Variants in GIGYF2 observed in about 807,000 individuals in gnomAD.
GIGYF2 encodes the protein GRB10 interacting GYF protein 2, also known as GRB10-interacting GYF protein 2.
In GIGYF2, 25 loss-of-function variants were observed where a neutral mutation model predicts 208.1. The ratio of observed to expected loss-of-function variants is 0.12; its 90% CI spans 0.09 to 0.17. GIGYF2 has a LOEUF of 0.17. Among genes scored for constraint, GIGYF2 ranks in the 10% least tolerant of loss-of-function variants. The pLI, the probability that GIGYF2 is intolerant of heterozygous loss-of-function variation, is 1.00. For missense variants in GIGYF2, 1,302 were observed against 1,579.4 expected, an observed-to-expected ratio of 0.82 and a Z score of 2.98; for synonymous variants, 534 against 543.8, an observed-to-expected ratio of 0.98 and a Z score of 0.25.
At chr2:232,851,652 T>G (rs1289263933) in intron 28 of GIGYF2, among the ~76,000 whole-genome samples, 2 of 152,224 alleles carry the variant, frequency 1.3e-5, no homozygotes, top group Non-Finnish European at 2.9e-5. Flanking sequence ...ACTCCTGACT[T>G]CAGGTGATCT....
chr2:232,697,510 C>G (rs1023951974), intron 1 of GIGYF2, 118 bp downstream of exon 1: 1 of 152,918 alleles, frequency 6.5e-6, no homozygotes, highest in Non-Finnish European at 1.5e-5. Context: ...TCCTCCTGCC[C>G]GAGCTGGCCC....
intron 21 of GIGYF2, among the ~76,000 whole-genome samples, chr2:232,828,443 T>TTTTG (rs766100787): frequency 5.9e-5 from 9 of 152,012 alleles, no homozygotes; most frequent in African/African-American, 1.9e-4. Flanking sequence ...GGGTGGGGTT[T>TTTTG]TTTGTTTGTT....
chr2:232,831,454 G>A (rs973242651), intron 21 of GIGYF2, among the ~76,000 whole-genome samples: 2 of 152,120 alleles, frequency 1.3e-5, no homozygotes, highest in Admixed American at 6.5e-5. Context: ...TTGTTTTCTG[G>A]TGGAGTATAA....
chr2:232,710,425 C>G (rs1238686296), intron 2 of GIGYF2, among the ~76,000 whole-genome samples: 1 of 152,130 alleles, frequency 6.6e-6, no homozygotes, highest in Non-Finnish European at 1.5e-5. Context: ...TCAGTGAGTT[C>G]TGTCTGTGGG....
At chr2:232,837,791 T>G (rs1701687155) in intron 22 of GIGYF2, among the ~76,000 whole-genome samples, 1 of 152,168 alleles carries the variant, frequency 6.6e-6, no homozygotes, top group Non-Finnish European at 1.5e-5. Flanking sequence ...AAAAATGATC[T>G]TCACCAGTTT....
At chr2:232,702,857 C>T (rs781241108) in intron 1 of GIGYF2, among the ~76,000 whole-genome samples, 3 of 152,188 alleles carry the variant, frequency 2.0e-5, no homozygotes, top group Non-Finnish European at 4.4e-5. Context: ...TGCAGTGGTA[C>T]AGTTGCAGCT....
chr2:232,731,388 T>G (rs1332700271), intron 2 of GIGYF2: 1 of 152,224 alleles, frequency 6.6e-6, no homozygotes, highest in Non-Finnish European at 1.5e-5. Context: ...CTGACTTGCT[T>G]TATAAATGCA....
intron 8 of GIGYF2, among the ~76,000 whole-genome samples, chr2:232,784,430 C>T (rs1699838757): frequency 8.5e-6 from 1 of 117,446 alleles, no homozygotes; most frequent in Non-Finnish European, 1.6e-5. Flanking sequence ...TGCTCTGTCA[C>T]CCAGGCTGGA....
intron 2 of GIGYF2, chr2:232,730,062 G>T (rs1431311630): frequency 2.0e-6 from 2 of 996,090 alleles, no homozygotes; most frequent in Non-Finnish European, 3.2e-6. Flanking sequence ...CAAGTCAGCA[G>T]GCGGTGGGCC....
chr2:232,830,033 G>A (rs1281884230), intron 21 of GIGYF2, among the ~76,000 whole-genome samples: 2 of 152,060 alleles, frequency 1.3e-5, no homozygotes, highest in Non-Finnish European at 2.9e-5. Flanking sequence ...AGGCTGGAGT[G>A]CAGTGGTGTG....
chr2:232,772,510 A>G (rs1699309066), intron 8 of GIGYF2, among the ~76,000 whole-genome samples: 1 of 152,206 alleles, frequency 6.6e-6, no homozygotes, highest in Non-Finnish European at 1.5e-5. Context: ...CATTAGTATA[A>G]TTAGTTTTCT....
At chr2:232,761,639 A>G in intron 8 of GIGYF2, 3 of 427,372 alleles carry the variant, frequency 7.0e-6, no homozygotes, top group Admixed American at 3.9e-5. Context: ...TGCAAGGCAT[A>G]TATTCTTTAT....
chr2:232,851,674 C>T (rs1484639359), intron 28 of GIGYF2, among the ~76,000 whole-genome samples: 1 of 152,212 alleles, frequency 6.6e-6, no homozygotes, highest in Non-Finnish European at 1.5e-5. Flanking sequence ...CTTGCCTTGG[C>T]CTCCCAAAGT....
chr2:232,761,512 G>A, intron 8 of GIGYF2, 76 bp downstream of exon 8: 1 of 830,466 alleles, frequency 1.2e-6, no homozygotes, highest in Non-Finnish European at 2.1e-6. Context: ...TCCAGTAGAT[G>A]GGGCTGCAGC....
At chr2:232,781,899 A>G (rs1699733633) in intron 8 of GIGYF2, among the ~76,000 whole-genome samples, 1 of 152,178 alleles carries the variant, frequency 6.6e-6, no homozygotes, top group Non-Finnish European at 1.5e-5. Context: ...GCCTTGGGAA[A>G]CCACCTTACT....
In GIGYF2 at chr2:232,819,821, C is replaced by A; in HGVS notation, c.2371-6C>A. On this transcript the variant is annotated splice_polypyrimidine_tract_variant and splice_region_variant and intron_variant, in intron 20 of 28. Transcript: ENST00000373563. Reference sequence around the variant, plus strand: ...CCACCCCCCACCCTCCATCTTTTTTCCTTAGGAAGAGGCTCTGCGTCGCCA... The same window carrying A: ...CCACCCCCCACCCTCCATCTTTTTTACTTAGGAAGAGGCTCTGCGTCGCCA... The A allele has an allele frequency of 2.4e-6, 2 of 839,588 alleles. No homozygotes were observed. The highest frequency in any genetic ancestry group is 3.4e-6 in the Non-Finnish European group (2 of 592,880). 52.0% of individuals were successfully genotyped at this position (839,588 alleles called of 1,614,324 possible). A position where few individuals can be genotyped will look rare whatever the true frequency, so the allele number is the denominator to read the frequency against.
chr2:232,766,700 GTTC>G (rs1387417077), intron 8 of GIGYF2: 4 of 152,200 alleles, frequency 2.6e-5, no homozygotes, highest in African/African-American at 9.7e-5. Context: ...CCACTCCAGA[GTTC>G]TTCTTTATTT....
intron 21 of GIGYF2, among the ~76,000 whole-genome samples, chr2:232,820,683 T>C (rs1358422287): frequency 6.6e-6 from 1 of 152,220 alleles, no homozygotes; most frequent in Non-Finnish European, 1.5e-5. Flanking sequence ...GATTTCATTC[T>C]TCTGCCTGTG....
chr2:232,851,155 TA>T (rs1263749007), intron 28 of GIGYF2, among the ~76,000 whole-genome samples: 1 of 152,028 alleles, frequency 6.6e-6, no homozygotes, highest in African/African-American at 2.4e-5. Flanking sequence ...ACCATATCTC[TA>T]AAAAAAATTT....
Sources: allele counts gnomAD v4.1 joint callset (sites outside exome capture counted in the v4.1 genomes callset), GRCh38; gene constraint gnomAD v4.1.1; transcripts MANE v1.5; gene names NCBI Gene and HGNC (gene_info 2026-07-23, HGNC 2026-07-21).